The following VWF variants were observed in gnomAD, a reference collection of about 807,000 sequenced individuals.
The protein encoded by VWF is von Willebrand factor, also known as Factor VIII related antigen.
A neutral mutation model predicts 308.6 loss-of-function variants in VWF; 176 were observed. That is an observed-to-expected ratio of 0.57 (90% confidence interval 0.50 to 0.65). The LOEUF (loss-of-function observed/expected upper bound fraction) is 0.65, where lower values mean the gene tolerates loss of function less well. VWF is among the 30% of genes least tolerant of loss of function. VWF has a pLI of 0.00. For synonymous variants in VWF, 1,385 were observed against 1,443.4 expected, an observed-to-expected ratio of 0.96 and a Z score of 0.92; for missense variants, 3,146 against 3,648.2, an observed-to-expected ratio of 0.86 and a Z score of 3.55.
chr12:6,019,220 A>G lies in VWF; in HGVS notation c.4198T>C (p.Tyr1400His), dbSNP rs777165972. Residue 1400 changes from tyrosine to histidine, a missense_variant, in exon 28 of 52, where the codon TAC (tyrosine) becomes CAC (histidine). Tyr to His is a moderately conservative substitution (Grantham distance 83, BLOSUM62 2). This residue lies in a region of VWF where 853 missense variants were observed against 1,177.8 expected (regional missense o/e 0.72). Transcript: ENST00000261405. The surrounding 1 kb of genome is among the most constrained non-coding windows in gnomAD (Gnocchi z 5.8). ...PQRMSRNFVR[Y>H]VQGLKKKKVI... Reference sequence around the variant, plus strand: ...TTCTTCTTCTTCAGGCCCTGGACGTAGCGGACAAAGTTCCGGGACATCCGT... The same window carrying G: ...TTCTTCTTCTTCAGGCCCTGGACGTGGCGGACAAAGTTCCGGGACATCCGT... 2 of 1,613,878 alleles carry G rather than the reference A, an allele frequency of 1.2e-6. No homozygotes were observed. Among genetic ancestry groups the G allele is most frequent in the South Asian group, 2.2e-5 (2 of 91,076 alleles).
rs183449411 is a variant in VWF, at chr12:5,980,177, G to A, written c.7287+1609C>T. ...AGGGAGTGAGGGAGGGAGGGAGGGA[G>A]GGAGGGAGGGAAGGAAGGAAGTGAC... On this transcript the variant is annotated intron_variant, in intron 42 of 51. Coordinates refer to ENST00000261405, the MANE Select transcript of VWF (RefSeq NM_000552.5). 2.7e-3 allele frequency among the ~76,000 whole-genome samples: 182 copies of A among 67,788 alleles called. 1 individual carries two copies. Among genetic ancestry groups the A allele is most frequent in the Admixed American group, 4.3e-3 (28 of 6,548 alleles). 44.5% of individuals were successfully genotyped at this position (67,788 alleles called of 152,430 possible).
intron 47 of VWF, among the ~76,000 whole-genome samples, chr12:5,961,421 A>C (rs1434133070): frequency 6.6e-6 from 1 of 152,192 alleles, no homozygotes; most frequent in Non-Finnish European, 1.5e-5. Flanking sequence ...ATCAGAAAGA[A>C]AATATTCCCA....
chr12:5,988,123 G>A (rs1372285890), intron 38 of VWF, among the ~76,000 whole-genome samples: 1 of 152,212 alleles, frequency 6.6e-6, no homozygotes, highest in African/African-American at 2.4e-5. Flanking sequence ...TGGGCAAAGG[G>A]GAAAGGAGGA....
At chr12:5,987,113 G>C (rs1028391440) in intron 38 of VWF, among the ~76,000 whole-genome samples, 2 of 151,924 alleles carry the variant, frequency 1.3e-5, no homozygotes, top group African/African-American at 4.8e-5. Flanking sequence ...TTTTAGTAGA[G>C]ACAGGATTTC....
intron 35 of VWF, among the ~76,000 whole-genome samples, chr12:5,994,902 G>A (rs1943792167): frequency 6.6e-6 from 1 of 152,182 alleles, no homozygotes; most frequent in Admixed American, 6.5e-5. Flanking sequence ...TGACTCAACA[G>A]GGAAGGGCAA....
At chr12:5,960,421 C>T (rs1409643641) in intron 47 of VWF, among the ~76,000 whole-genome samples, 1 of 152,060 alleles carries the variant, frequency 6.6e-6, no homozygotes, top group Non-Finnish European at 1.5e-5. Context: ...TGAAATCTGC[C>T]AAACATTTTA....
At chr12:6,012,704 T>TGTA (rs1491473058) in intron 32 of VWF, among the ~76,000 whole-genome samples, 12 of 35,380 alleles carry the variant, frequency 3.4e-4, no homozygotes, top group African/African-American at 7.0e-4. Flanking sequence ...TGTGTGTGTA[T>TGTA]TTTTTTTTTT....
rs901656249 is a variant in VWF at position 6,057,222 on chromosome 12, C to T, written c.1730-150G>A. 5.9e-6 allele frequency: 4 copies of T among 672,982 alleles called. No individual in the cohort carries two copies. In the African/African-American group the frequency reaches 7.4e-5, roughly 13 times the overall value. The allele number at this position is 672,982 out of a possible 1,614,324, so 41.7% of individuals were successfully genotyped here. ...AATCTGCAAATGCCACCCCCACCCC[C>T]AAGTCCATTTATCTTACAATCATCT... On this transcript the variant is annotated intron_variant, in intron 14 of 51. Transcript: ENST00000261405.
chr12:6,051,115 C>CT (rs1944504584), intron 16 of VWF, among the ~76,000 whole-genome samples: 1 of 151,914 alleles, frequency 6.6e-6, no homozygotes, highest in Admixed American at 6.6e-5. Flanking sequence ...ATATTTACAG[C>CT]TTTTTTAAAA....
chr12:6,077,641 T>C (rs4764534), intron 6 of VWF, among the ~76,000 whole-genome samples: 19,250 of 152,240 alleles, frequency 0.13, 1,702 homozygotes, highest in African/African-American at 0.24. Flanking sequence ...CCAGACGGCC[T>C]GTTGGGGCCA....
intron 29 of VWF, 48 bp from the exon 30 acceptor site, chr12:6,016,704 C>T: frequency 6.2e-7 from 1 of 1,614,254 alleles, no homozygotes; most frequent in African/African-American, 1.3e-5. Flanking sequence ...AGTAGAGCCA[C>T]AAAAAGAGCC....
At position 6,073,699 on chromosome 12, in the gene VWF, G is replaced by C. The variant is rs200097381; in HGVS notation, c.917C>G (p.Ser306Cys). ...PAGMEYRQCV[S>C]PCARTCQSLH... is the part of the protein sequence containing the mutation. The stretch of plus-strand genomic sequence containing the variant: ...GCTCTGGCAGGTCCTGGCGCAAGGG[G>C]ACACACACTGCCTATACTCCATACC... The change falls in exon 8 of 52, where the codon TCC becomes TGC. Residue 306 changes from serine to cysteine, a missense_variant. By Grantham distance (112) the Ser-to-Cys change is moderately radical (BLOSUM62 -1). Transcript: ENST00000261405. The C allele has an allele frequency of 6.2e-7, 1 of 1,614,052 alleles. No individual in the cohort carries two copies. Among genetic ancestry groups the C allele is most frequent in the African/African-American group, 1.3e-5 (1 of 75,000 alleles).
At chr12:6,094,860 A>T (rs1255629369) in intron 6 of VWF, among the ~76,000 whole-genome samples, 2 of 148,216 alleles carry the variant, frequency 1.3e-5, no homozygotes, top group African/African-American at 5.0e-5. Context: ...TTATAGGCAC[A>T]TGCCACCATG....
At position 6,044,316 on chromosome 12, in the gene VWF, G is replaced by A. The variant is rs1565841678; in HGVS notation, c.2417C>T (p.Ser806Phe). The A allele has an allele frequency of 8.1e-6, 13 of 1,614,058 alleles. No homozygotes were observed. Among genetic ancestry groups the A allele is most frequent in the Non-Finnish European group, 1.0e-5 (12 of 1,180,032 alleles). The change falls in exon 18 of 52, where the codon TCT (serine) becomes TTT (phenylalanine). Residue 806 changes from serine (S) to phenylalanine (F), a missense_variant. Around this residue, in one of 3 missense-constraint regions of VWF, gnomAD observed 1,304 missense variants for 1,353.0 expected, o/e 0.96. Coordinates refer to ENST00000261405, the MANE Select transcript of VWF (RefSeq NM_000552.5). ...DLECMSMGCV[S>F]GCLCPPGMVR... ...CATGCCCGGGGGGCAGAGGCAGCCA[G>A]AGACACAGCCCATGCTCATGCACTC...
intron 5 of VWF, among the ~76,000 whole-genome samples, chr12:6,104,460 G>A (rs2136513602): frequency 6.6e-6 from 1 of 151,980 alleles, no homozygotes; most frequent in Middle Eastern, 3.4e-3. Context: ...GGCTGAGGCG[G>A]GCGTATCACG....
At chr12:6,092,624 T>TGAGAGAGAGA (rs1180180618) in intron 6 of VWF, among the ~76,000 whole-genome samples, 3 of 87,068 alleles carry the variant, frequency 3.4e-5, no homozygotes, top group South Asian at 6.8e-4. Context: ...TGAGAGTGTG[T>TGAGAGAGAGA]GTGTGTGTGT....
intron 15 of VWF, among the ~76,000 whole-genome samples, chr12:6,055,759 TATACAC>T (rs1459715446): frequency 6.0e-5 from 4 of 66,260 alleles, no homozygotes; most frequent in Admixed American, 2.3e-4. Context: ...TATATATATG[TATACAC>T]ACACACACAC....
In VWF at chr12:5,951,845, T is replaced by C; in HGVS notation, c.8154A>G (p.Thr2718=). Residue 2718 remains threonine, a splice_region_variant and synonymous_variant, in exon 50 of 52, where the codon ACA becomes ACG. Coordinates refer to ENST00000261405, the MANE Select transcript of VWF (RefSeq NM_000552.5). The part of the protein sequence containing the change: ...IMKIPGTCCD[T]CEEPECNDIT... ...ACAAGATATTAGTAACGCACTCACA[T>C]GTGTCACAGCAGGTGCCTGGAATTT... 1 of 1,614,214 alleles carries C rather than the reference T, an allele frequency of 6.2e-7. No homozygotes were observed. The highest frequency in any genetic ancestry group is 8.5e-7 in the Non-Finnish European group (1 of 1,180,022).
intron 42 of VWF, among the ~76,000 whole-genome samples, chr12:5,980,124 AAGGAAGGAAGG>A (rs1486266209): frequency 6.1e-4 from 77 of 125,230 alleles, no homozygotes; most frequent in South Asian, 5.5e-3. Flanking sequence ...GGAAGGAAGG[AAGGAAGGAAGG>A]AAGAAAGGAG....
Sources: gnomAD v4.1 joint callset for allele counts (sites outside exome capture counted in the v4.1 genomes callset) on GRCh38, gnomAD v4.1.1 for gene constraint, gnomAD v4.1.1 regional missense constraint, Gnocchi (gnomAD v3.1) non-coding constraint, MANE v1.5 for transcripts, NCBI Gene and HGNC (gene_info 2026-07-23, HGNC 2026-07-21) for gene names.